The following EYS variants were observed in gnomAD, a reference collection of about 807,000 sequenced individuals.
The protein encoded by EYS is protein eyes shut homolog.
Under a neutral mutation model 282.1 loss-of-function variants are expected in EYS, and 250 were observed. The observed-to-expected ratio is 0.89, with a 90% CI of 0.80 to 0.98. The LOEUF (loss-of-function observed/expected upper bound fraction) is 0.98, where lower values mean the gene tolerates loss of function less well. EYS is among the 50% of genes least tolerant of loss of function. The probability of loss-of-function intolerance (pLI) is 0.00; values close to 1 mark genes in which losing one functional copy is unlikely to be tolerated. For synonymous variants in EYS, 1,355 were observed against 1,282.9 expected (o/e 1.06, Z -1.20); for missense variants, 4,016 against 3,709.0 (o/e 1.08, Z -2.15).
chr6:64,858,869 T>C (rs1411864308), intron 19 of EYS, among the ~76,000 whole-genome samples: 1 of 152,122 alleles, frequency 6.6e-6, no homozygotes, highest in Non-Finnish European at 1.5e-5. Context: ...AACAAACATA[T>C]AGCTAACATC....
At position 63,985,994 on chromosome 6, in the gene EYS, A is replaced by C. The variant is rs942417404; in HGVS notation, c.6835-1391T>G. Among the ~76,000 whole-genome samples the C allele has an allele frequency of 2.0e-5, 3 of 151,908 alleles. No individual in the cohort carries two copies. In the East Asian group the frequency reaches 5.8e-4, roughly 30 times the overall value. Reference sequence around the variant, plus strand: ...GTCAGCAGAGTAAATAGACAATCTAAATAATGGGAGAAAATTTTTGCAAAC... The same window carrying C: ...GTCAGCAGAGTAAATAGACAATCTACATAATGGGAGAAAATTTTTGCAAAC... On this transcript the variant is annotated intron_variant, in intron 34 of 42. Transcript: ENST00000503581.
chr6:65,043,762 A>T (rs1418327815), intron 13 of EYS, among the ~76,000 whole-genome samples: 1 of 151,468 alleles, frequency 6.6e-6, no homozygotes, highest in Non-Finnish European at 1.5e-5. Context: ...TATATATGAC[A>T]TTTTATTTAT....
At chr6:65,556,952 A>T (rs931484198) in intron 2 of EYS, among the ~76,000 whole-genome samples, 1 of 152,248 alleles carries the variant, frequency 6.6e-6, no homozygotes, top group African/African-American at 2.4e-5. Flanking sequence ...TATTTGTATC[A>T]TAACAGTATA....
At chr6:65,475,366 A>T (rs1384395751) in intron 5 of EYS, among the ~76,000 whole-genome samples, 2 of 152,068 alleles carry the variant, frequency 1.3e-5, no homozygotes, top group Non-Finnish European at 2.9e-5. Flanking sequence ...TCTTTCTAGC[A>T]TTGGTCTTTA....
intron 5 of EYS, among the ~76,000 whole-genome samples, chr6:65,482,635 T>C (rs1232451382): frequency 6.6e-6 from 1 of 152,210 alleles, no homozygotes; most frequent in Non-Finnish European, 1.5e-5. Flanking sequence ...TACTTTACAT[T>C]GGAAAATATT....
At chr6:64,841,318 G>T (rs537858198) in intron 19 of EYS, among the ~76,000 whole-genome samples, 2 of 152,128 alleles carry the variant, frequency 1.3e-5, no homozygotes, top group East Asian at 3.9e-4. Flanking sequence ...TACAATAAAT[G>T]TTAAGGTAAA....
At chr6:63,725,164 A>G (rs1232188047) in intron 42 of EYS, among the ~76,000 whole-genome samples, 1 of 152,126 alleles carries the variant, frequency 6.6e-6, no homozygotes, top group African/African-American at 2.4e-5. Flanking sequence ...TGCAGCATCA[A>G]TCGTGTGAAA....
intron 13 of EYS, among the ~76,000 whole-genome samples, chr6:65,010,071 C>T (rs1238526387): frequency 6.6e-6 from 1 of 152,148 alleles, no homozygotes; most frequent in Non-Finnish European, 1.5e-5. Context: ...AAGGCCCTAA[C>T]CCAAGCCCCA....
chr6:64,634,725 A>G (rs576858827), intron 22 of EYS, among the ~76,000 whole-genome samples: 1 of 152,226 alleles, frequency 6.6e-6, no homozygotes, highest in East Asian at 1.9e-4. Context: ...AACATCTAAG[A>G]AAAAATGAAG....
At chr6:64,916,940 A>G (rs1336040494) in intron 15 of EYS, among the ~76,000 whole-genome samples, 1 of 152,234 alleles carries the variant, frequency 6.6e-6, no homozygotes, top group Non-Finnish European at 1.5e-5. Context: ...AGTAGTTATC[A>G]TCGTTAAAAA....
chr6:65,091,396 G>T (rs1774559159), intron 12 of EYS, among the ~76,000 whole-genome samples: 1 of 151,300 alleles, frequency 6.6e-6, no homozygotes, highest in Non-Finnish European at 1.5e-5. Context: ...GTTACAGTGA[G>T]CTTAGATCAC....
chr6:63,943,693 G>A (rs1403990777), intron 35 of EYS, among the ~76,000 whole-genome samples: 5 of 152,164 alleles, frequency 3.3e-5, no homozygotes, highest in Admixed American at 1.3e-4. Flanking sequence ...TTTTGGTAGA[G>A]TGCTTTTCCC....
At chr6:65,456,673 A>T (rs1309512673) in intron 5 of EYS, among the ~76,000 whole-genome samples, 1 of 152,102 alleles carries the variant, frequency 6.6e-6, no homozygotes, top group African/African-American at 2.4e-5. Context: ...TGATAATTTT[A>T]ATACATGCAT....
chr6:64,180,161 G>A (rs1764748906), intron 31 of EYS, among the ~76,000 whole-genome samples: 1 of 152,014 alleles, frequency 6.6e-6, no homozygotes. Flanking sequence ...AAACATAACT[G>A]GATTAATATT....
intron 12 of EYS, among the ~76,000 whole-genome samples, chr6:65,284,304 C>T (rs1045589200): frequency 6.6e-6 from 1 of 152,078 alleles, no homozygotes; most frequent in African/African-American, 2.4e-5. Context: ...GAATATCCTG[C>T]TTCTGCCATT....
At chr6:65,170,488 G>A (rs1297308720) in intron 12 of EYS, among the ~76,000 whole-genome samples, 1 of 151,520 alleles carries the variant, frequency 6.6e-6, no homozygotes, top group Non-Finnish European at 1.5e-5. Flanking sequence ...ATGAGTCTAA[G>A]TGGTGATCTA....
At chr6:65,271,288 G>C (rs865965575) in intron 12 of EYS, among the ~76,000 whole-genome samples, 9 of 151,408 alleles carry the variant, frequency 5.9e-5, no homozygotes, top group South Asian at 4.2e-4. Flanking sequence ...GTCAATGATG[G>C]TTCCAGTCTG....
intron 26 of EYS, among the ~76,000 whole-genome samples, chr6:64,547,469 T>C (rs1045785844): frequency 7.9e-5 from 12 of 152,162 alleles, no homozygotes; most frequent in Non-Finnish European, 1.5e-4. Flanking sequence ...GTTCTCCAAG[T>C]ACCCACCAGA....
chr6:64,615,853 C>A (rs653574), intron 24 of EYS, among the ~76,000 whole-genome samples: 1 of 151,864 alleles, frequency 6.6e-6, no homozygotes, highest in African/African-American at 2.4e-5. Context: ...AATGTAAATG[C>A]ATTATGTCTA....
Sources: gnomAD v4.1 joint callset for allele counts (sites outside exome capture counted in the v4.1 genomes callset) on GRCh38, gnomAD v4.1.1 for gene constraint, MANE v1.5 for transcripts, NCBI Gene and HGNC (gene_info 2026-07-23, HGNC 2026-07-21) for gene names.